The following LPP variants were observed in gnomAD, a reference collection of about 807,000 sequenced individuals.
LPP encodes the protein LIM domain containing preferred translocation partner in lipoma.
In LPP, 38 loss-of-function variants were observed where a neutral mutation model predicts 60.4. That is an observed-to-expected ratio of 0.63 (90% confidence interval 0.49 to 0.83). LPP has a LOEUF of 0.83. LPP is among the 40% of genes least tolerant of loss of function. The probability of loss-of-function intolerance (pLI) is 0.00; values close to 1 mark genes in which losing one functional copy is unlikely to be tolerated. For synonymous variants in LPP, 328 were observed against 290.8 expected, an observed-to-expected ratio of 1.13 and a Z score of -1.30; for missense variants, 902 against 783.6, an observed-to-expected ratio of 1.15 and a Z score of -1.80.
chr3:188,633,615 T>C (rs1225386021), intron 7 of LPP, among the ~76,000 whole-genome samples: 1 of 152,194 alleles, frequency 6.6e-6, no homozygotes, highest in Non-Finnish European at 1.5e-5. Context: ...GGCATGAGTA[T>C]ATTAAAATAA....
intron 4 of LPP, among the ~76,000 whole-genome samples, chr3:188,463,692 A>G (rs1799685306): frequency 6.6e-6 from 1 of 152,212 alleles, no homozygotes; most frequent in Non-Finnish European, 1.5e-5. Flanking sequence ...AAGCAGTATG[A>G]TATTTAGTCA....
chr3:188,609,441 C>T lies in LPP; in HGVS notation c.710C>T (p.Ala237Val). ...SAQPSPHYMA[A>V]PSSGQIYGSG... ...CAGCCCAGCCCTCATTATATGGCTG[C>T]CCCTTCATCAGGACAAATTTATGGC... is the stretch of plus-strand genomic sequence containing the variant. Residue 237 changes from alanine to valine, a missense_variant, in exon 7 of 12, where the codon GCC becomes GTC. Coordinates refer to ENST00000617246, the MANE Select transcript of LPP (RefSeq NM_001375462.1). The surrounding 1 kb of genome is among the most constrained non-coding windows in gnomAD (Gnocchi z 6.9). 6.2e-7 allele frequency: 1 copy of T among 1,614,164 alleles called. No homozygotes were observed. The highest frequency in any genetic ancestry group is 8.5e-7 in the Non-Finnish European group (1 of 1,180,034).
chr3:188,451,682 G>A (rs1487385566), intron 4 of LPP, among the ~76,000 whole-genome samples: 1 of 152,148 alleles, frequency 6.6e-6, no homozygotes, highest in Non-Finnish European at 1.5e-5. Flanking sequence ...ATATAACGGG[G>A]TAGATGATCT....
chr3:188,632,813 T>A (rs1848078724), intron 7 of LPP, among the ~76,000 whole-genome samples: 1 of 152,178 alleles, frequency 6.6e-6, no homozygotes, highest in Non-Finnish European at 1.5e-5. Context: ...TTTGTCTTCC[T>A]CCATTTCTCT....
At chr3:188,817,540 CCTT>C (rs1438784831) in intron 9 of LPP, among the ~76,000 whole-genome samples, 3 of 152,152 alleles carry the variant, frequency 2.0e-5, no homozygotes, top group African/African-American at 7.2e-5. Context: ...TGTTTTCTAT[CCTT>C]CTTGCTCCTG....
chr3:188,578,090 C>G (rs1305561535), intron 6 of LPP, among the ~76,000 whole-genome samples: 1 of 152,054 alleles, frequency 6.6e-6, no homozygotes, highest in African/African-American at 2.4e-5. Flanking sequence ...AAAGATATAA[C>G]TATTGTTTTT....
chr3:188,358,858 C>T (rs1768386081), intron 3 of LPP, among the ~76,000 whole-genome samples: 1 of 152,132 alleles, frequency 6.6e-6, no homozygotes, highest in South Asian at 2.1e-4. Flanking sequence ...GCATTGTCCG[C>T]AAAGACTAGT....
intron 2 of LPP, among the ~76,000 whole-genome samples, chr3:188,252,886 C>T (rs1015576316): frequency 3.3e-5 from 5 of 152,166 alleles, no homozygotes; most frequent in African/African-American, 4.8e-5. Flanking sequence ...ATTCCCCTGC[C>T]TCAACCTCCC....
chr3:188,679,358 CAAG>C (rs1178157000), intron 7 of LPP, among the ~76,000 whole-genome samples: 1 of 151,908 alleles, frequency 6.6e-6, no homozygotes, highest in African/African-American at 2.4e-5. Flanking sequence ...GTTTTACTGT[CAAG>C]AATATAATAG....
At chr3:188,442,777 C>A (rs1794321257) in intron 4 of LPP, among the ~76,000 whole-genome samples, 1 of 152,058 alleles carries the variant, frequency 6.6e-6, no homozygotes, top group Non-Finnish European at 1.5e-5. Flanking sequence ...CAACGTAAGC[C>A]CTTAATTACA....
intron 9 of LPP, among the ~76,000 whole-genome samples, chr3:188,815,876 C>T (rs1577735386): frequency 6.6e-6 from 1 of 152,222 alleles, no homozygotes; most frequent in African/African-American, 2.4e-5. Context: ...GGTTCTCCTG[C>T]AAGCCACAGG....
chr3:188,591,028 T>C (rs1838589762), intron 6 of LPP, among the ~76,000 whole-genome samples: 1 of 152,222 alleles, frequency 6.6e-6, no homozygotes, highest in Admixed American at 6.5e-5. Flanking sequence ...TGTCCTTTTA[T>C]ATTTCCTCCT....
intron 7 of LPP, among the ~76,000 whole-genome samples, chr3:188,613,178 T>C (rs541642944): frequency 7.3e-5 from 11 of 150,470 alleles, no homozygotes; most frequent in African/African-American, 2.7e-4. Flanking sequence ...TCTTTGCTGA[T>C]TTATAAAAGC....
intron 8 of LPP, among the ~76,000 whole-genome samples, chr3:188,714,950 A>G (rs759337095): frequency 1.8e-4 from 27 of 152,206 alleles, no homozygotes; most frequent in Non-Finnish European, 3.7e-4. Context: ...ACCCAGTTCA[A>G]TAAACCAGAC....
Position 188,352,122 on chromosome 3 carries a change from C to T in LPP, c.-10+10403C>T, listed in dbSNP as rs754215471. Among the ~76,000 whole-genome samples the T allele has an allele frequency of 3.0e-4, 46 of 152,082 alleles. 1 individual carries two copies. Among genetic ancestry groups the T allele is most frequent in the Admixed American group, 5.9e-4 (9 of 15,262 alleles). ...TTCTCCTGACTTAACCTTGGGTGGCCGCAGGTCTTAAGGCTCTGTGATGGC... is the reference window on the plus strand; with the variant it reads ...TTCTCCTGACTTAACCTTGGGTGGCTGCAGGTCTTAAGGCTCTGTGATGGC... On this transcript the variant is annotated intron_variant, in intron 3 of 11. Transcript: ENST00000617246. The surrounding 1 kb of genome is among the most constrained non-coding windows in gnomAD (Gnocchi z 4.4).
chr3:188,302,886 T>C lies in LPP; in HGVS notation c.-66-38777T>C, dbSNP rs115077269. ...CCTCCCTTTTTATCATGCTAAACTG[T>C]AGTTGCTAACAACATTCTATTCTGG... On this transcript the variant is annotated intron_variant, in intron 2 of 11. Coordinates refer to ENST00000617246, the MANE Select transcript of LPP (RefSeq NM_001375462.1). 7.2e-3 allele frequency among the ~76,000 whole-genome samples: 1,096 copies of C among 152,328 alleles called. 13 individuals are homozygous for C. The highest frequency in any genetic ancestry group is 0.025 in the African/African-American group (1,029 of 41,576).
At chr3:188,841,979 G>T (rs897559476) in intron 9 of LPP, among the ~76,000 whole-genome samples, 2 of 152,142 alleles carry the variant, frequency 1.3e-5, no homozygotes, top group Non-Finnish European at 2.9e-5. Context: ...AGACAATCGG[G>T]TCATCTGCAA....
At chr3:188,846,102 G>C (rs1761323660) in intron 9 of LPP, among the ~76,000 whole-genome samples, 1 of 152,160 alleles carries the variant, frequency 6.6e-6, no homozygotes, top group South Asian at 2.1e-4. Context: ...TGCTAGTCAG[G>C]GGATGCAAAA....
chr3:188,204,994 G>T (rs999516501), intron 1 of LPP, among the ~76,000 whole-genome samples: 1 of 152,144 alleles, frequency 6.6e-6, no homozygotes, highest in Non-Finnish European at 1.5e-5. Context: ...AAGTGCCAGG[G>T]AGGAAAGAAA....
Sources: gnomAD v4.1 joint callset for allele counts (sites outside exome capture counted in the v4.1 genomes callset) on GRCh38, gnomAD v4.1.1 for gene constraint, Gnocchi (gnomAD v3.1) non-coding constraint, MANE v1.5 for transcripts, NCBI Gene and HGNC (gene_info 2026-07-23, HGNC 2026-07-21) for gene names.